Variants in PDE1C observed in about 807,000 individuals in gnomAD.
PDE1C encodes the protein dual specificity calcium/calmodulin-dependent 3',5'-cyclic nucleotide phosphodiesterase 1C.
PDE1C carries 62 observed loss-of-function variants against 93.1 expected under a neutral mutation model. The observed-to-expected ratio is 0.67, with a 90% CI of 0.54 to 0.82. The LOEUF (loss-of-function observed/expected upper bound fraction) is 0.82, where lower values mean the gene tolerates loss of function less well. PDE1C is among the 40% of genes least tolerant of loss of function. The probability of loss-of-function intolerance (pLI) is 0.00; values close to 1 mark genes in which losing one functional copy is unlikely to be tolerated. For missense variants in PDE1C, 742 were observed against 884.6 expected (o/e 0.84, Z 2.04); for synonymous variants, 325 against 310.1 (o/e 1.05, Z -0.50).
chr7:32,247,713 T>C (rs1338112844), intron 1 of PDE1C, among the ~76,000 whole-genome samples: 3 of 152,204 alleles, frequency 2.0e-5, no homozygotes, highest in African/African-American at 7.2e-5. Context: ...TTTTATAAAA[T>C]AGGCTTCGGT....
chr7:31,720,556 G>A, the PDE1C span, among the ~76,000 whole-genome samples: 1 of 152,174 alleles, frequency 6.6e-6, no homozygotes. Flanking sequence ...TAGGAACAAT[G>A]TCCCTGGCGA....
intron 1 of PDE1C, among the ~76,000 whole-genome samples, chr7:32,374,230 A>AGGAAAGG (rs1784385881): frequency 7.1e-6 from 1 of 140,364 alleles, no homozygotes; most frequent in African/African-American, 2.6e-5. Flanking sequence ...GAAAGAAAGA[A>AGGAAAGG]AAAGAAAGAA....
At chr7:31,633,177 G>A in the PDE1C span, among the ~76,000 whole-genome samples, 2 of 152,130 alleles carry the variant, frequency 1.3e-5, no homozygotes, top group African/African-American at 2.4e-5. Flanking sequence ...GAGCTACCGC[G>A]ACCGGCCAGG....
chr7:31,829,712 C>T (rs529362057), intron 11 of PDE1C, among the ~76,000 whole-genome samples: 7 of 152,270 alleles, frequency 4.6e-5, no homozygotes, highest in Non-Finnish European at 1.0e-4. Context: ...CCTATATAGA[C>T]ACCCCAGCGG....
chr7:31,705,986 ATTTTTTTTTTTTTT>A, the PDE1C span, among the ~76,000 whole-genome samples: 19 of 52,514 alleles, frequency 3.6e-4, no homozygotes, highest in East Asian at 1.7e-3. Flanking sequence ...CAGACCAGTA[ATTTTTTTTTTTTTT>A]TTTTTTTTTT....
intron 1 of PDE1C, among the ~76,000 whole-genome samples, chr7:32,214,131 T>C (rs566040714): frequency 6.6e-6 from 1 of 152,240 alleles, no homozygotes; most frequent in South Asian, 2.1e-4. Flanking sequence ...TTTTTATACA[T>C]ACACAGGTAT....
intron 17 of PDE1C, among the ~76,000 whole-genome samples, chr7:31,766,383 C>CAAAA (rs71727115): frequency 7.2e-6 from 1 of 139,684 alleles, no homozygotes. Flanking sequence ...GACTGTGTCT[C>CAAAA]AAAAAAAAAA....
the PDE1C span, among the ~76,000 whole-genome samples, chr7:31,718,682 G>A: frequency 0.011 from 1,644 of 152,276 alleles, 15 homozygotes; most frequent in Non-Finnish European, 0.016. Flanking sequence ...GAAATGAAGA[G>A]GGGGAATCCC....
intron 4 of PDE1C, 131 bp downstream of exon 4, chr7:31,878,865 T>TGAAA: frequency 1.2e-6 from 1 of 829,148 alleles, no homozygotes; most frequent in South Asian, 1.8e-5. Flanking sequence ...CATTCAAGAC[T>TGAAA]ATCTGTTTCT....
chr7:32,311,094 A>G (rs1783027020), intron 1 of PDE1C, among the ~76,000 whole-genome samples: 1 of 152,238 alleles, frequency 6.6e-6, no homozygotes, highest in Non-Finnish European at 1.5e-5. Flanking sequence ...CCACAGAAAT[A>G]CAAACTACCA....
intron 1 of PDE1C, among the ~76,000 whole-genome samples, chr7:32,338,842 A>G (rs1783682784): frequency 6.6e-6 from 1 of 152,108 alleles, no homozygotes; most frequent in Non-Finnish European, 1.5e-5. Flanking sequence ...TCTCTACTAA[A>G]AATACAAAAA....
At chr7:31,713,417 C>G in the PDE1C span, among the ~76,000 whole-genome samples, 1 of 152,178 alleles carries the variant, frequency 6.6e-6, no homozygotes, top group Non-Finnish European at 1.5e-5. Context: ...GGGTATAGTC[C>G]CCCCTGGCTG....
intron 3 of PDE1C, among the ~76,000 whole-genome samples, chr7:32,112,830 GTGTGTGTGTGTGTGTGTATATATA>G (rs1180102319): frequency 5.1e-5 from 3 of 58,924 alleles, no homozygotes; most frequent in African/African-American, 1.7e-4. Context: ...GTGTGTGTGT[GTGTGTGTGTGTGTGTGTATATATA>G]TATATATATA....
chr7:31,909,644 A>G (rs900790493), intron 2 of PDE1C, among the ~76,000 whole-genome samples: 1 of 152,136 alleles, frequency 6.6e-6, no homozygotes, highest in African/African-American at 2.4e-5. Flanking sequence ...CTTATTTGGC[A>G]TTGGTTTGCC....
intron 3 of PDE1C, among the ~76,000 whole-genome samples, chr7:32,134,010 T>C (rs1312416145): frequency 6.6e-6 from 1 of 151,896 alleles, no homozygotes; most frequent in East Asian, 1.9e-4. Flanking sequence ...ACCTGAAATT[T>C]AAAATTTCCT....
At chr7:32,374,256 GAA>G (rs1784389282) in intron 1 of PDE1C, among the ~76,000 whole-genome samples, 6 of 113,250 alleles carry the variant, frequency 5.3e-5, no homozygotes, top group African/African-American at 2.1e-4. Context: ...GAAAGGAAAG[GAA>G]GAAAGAAAGA....
chr7:32,106,080 T>C (rs913842508), intron 3 of PDE1C, among the ~76,000 whole-genome samples: 1 of 152,114 alleles, frequency 6.6e-6, no homozygotes, highest in Admixed American at 6.5e-5. Context: ...GCTCTGATCA[T>C]GGCTCACTAC....
chr7:31,888,973 C>T (rs1751657059), intron 2 of PDE1C, among the ~76,000 whole-genome samples: 1 of 152,102 alleles, frequency 6.6e-6, no homozygotes, highest in South Asian at 2.1e-4. Context: ...AAATCATCTA[C>T]ATGGAAAATG....
chr7:32,408,776 G>A (rs941391096), intron 1 of PDE1C, among the ~76,000 whole-genome samples: 2 of 152,002 alleles, frequency 1.3e-5, no homozygotes, highest in African/African-American at 4.8e-5. Context: ...GTGACAAAGC[G>A]AGACTCTGTC....
Sources: gnomAD v4.1 joint callset for allele counts (sites outside exome capture counted in the v4.1 genomes callset) on GRCh38, gnomAD v4.1.1 for gene constraint, MANE v1.5 for transcripts, NCBI Gene and HGNC (gene_info 2026-07-23, HGNC 2026-07-21) for gene names.